ITPR1: variants seen among roughly 807,000 people sequenced by gnomAD.
ITPR1 encodes the protein inositol 1,4,5-trisphosphate receptor type 1, also known as inositol 1,4,5-trisphosphate-gated calcium channel ITPR1.
In ITPR1, 96 loss-of-function variants were observed where a neutral mutation model predicts 318.4. That is an observed-to-expected ratio of 0.30 (90% CI 0.26 to 0.36). ITPR1 has a LOEUF of 0.36. Among genes scored for constraint, ITPR1 ranks in the 10% least tolerant of loss-of-function variants. The pLI, the probability that ITPR1 is intolerant of heterozygous loss-of-function variation, is 1.00. For synonymous variants in ITPR1, 1,312 were observed against 1,289.9 expected (o/e 1.02, Z -0.37); for missense variants, 2,440 against 3,460.2 (o/e 0.71, Z 7.40).
In ITPR1 at chr3:4,675,257, C is replaced by A. The variant is rs1417618085; in HGVS notation, c.2779+9C>A. 2 of 1,600,504 alleles carry A rather than the reference C, an allele frequency of 1.2e-6. No homozygotes were observed. The highest frequency in any genetic ancestry group is 1.7e-6 in the Non-Finnish European group (2 of 1,173,590). Reference sequence around the variant, plus strand: ...TGTGGAGAAGCTGAAGAGTGAGTATCTGAGGGTGCCCATACATCTGAGAGA... The same window carrying A: ...TGTGGAGAAGCTGAAGAGTGAGTATATGAGGGTGCCCATACATCTGAGAGA... On this transcript the variant is annotated intron_variant, in intron 23 of 61. Transcript: ENST00000649015.
At chr3:4,520,460 T>C (rs996591421) in intron 3 of ITPR1, among the ~76,000 whole-genome samples, 3 of 152,204 alleles carry the variant, frequency 2.0e-5, no homozygotes, top group African/African-American at 7.2e-5. Flanking sequence ...CCCTCTAGCC[T>C]CCAACATCTA....
Position 4,670,900 on chromosome 3 carries a change from G to A in ITPR1, c.2178G>A (p.Glu726=). 6.3e-7 allele frequency: 1 copy of A among 1,596,272 alleles called. No individual in the cohort carries two copies. The highest frequency in any genetic ancestry group is 8.5e-7 in the Non-Finnish European group (1 of 1,169,654). Residue 726 remains glutamate, a synonymous_variant, in exon 20 of 62, where the codon GAG becomes GAA. Transcript: ENST00000649015. ...AGGATGCTAAAGAAGGGCAGAAGGA[G>A]GACCGAGACGTTCTCAGCTACTACA... The part of the protein sequence containing the change: ...LAQDAKEGQK[E]DRDVLSYYRY...
At chr3:4,843,750 T>TG (rs1366058741) in intron 61 of ITPR1, among the ~76,000 whole-genome samples, 1 of 152,012 alleles carries the variant, frequency 6.6e-6, no homozygotes, top group East Asian at 1.9e-4. Context: ...GGGTGGGCGA[T>TG]GGGATCACTT....
At chr3:4,592,701 T>C (rs2090487205) in intron 4 of ITPR1, among the ~76,000 whole-genome samples, 1 of 152,210 alleles carries the variant, frequency 6.6e-6, no homozygotes, top group African/African-American at 2.4e-5. Flanking sequence ...AACTCTGGAT[T>C]TGCAAGCTCT....
intron 4 of ITPR1, among the ~76,000 whole-genome samples, 177 bp downstream of exon 4, chr3:4,521,271 A>G (rs886434621): frequency 1.3e-5 from 2 of 152,200 alleles, no homozygotes; most frequent in Non-Finnish European, 2.9e-5. Flanking sequence ...TAAATTTAGT[A>G]TCAAGATTGG....
chr3:4,652,365 G>T, intron 11 of ITPR1, 147 bp downstream of exon 11: 1 of 657,878 alleles, frequency 1.5e-6, no homozygotes, highest in Non-Finnish European at 2.7e-6. Context: ...GTTTCCTTCT[G>T]ATTCATTTTC....
chr3:4,558,559 T>A (rs907239049), intron 4 of ITPR1, among the ~76,000 whole-genome samples: 3 of 152,286 alleles, frequency 2.0e-5, no homozygotes, highest in Non-Finnish European at 4.4e-5. Context: ...TAAGAGTTAT[T>A]GTAGGTGATG....
At position 4,669,682 on chromosome 3, in the gene ITPR1, G is replaced by A. The variant is rs376189314; in HGVS notation, c.1915G>A (p.Val639Ile). The change falls in exon 19 of 62, where the codon GTC becomes ATC. Residue 639 changes from valine (V) to isoleucine (I), a missense_variant. Val to Ile is a conservative substitution (Grantham distance 29). Around this residue, in one of 23 missense-constraint regions of ITPR1, gnomAD observed 478 missense variants for 696.3 expected, o/e 0.69. Coordinates refer to ENST00000649015, the MANE Select transcript of ITPR1 (RefSeq NM_001378452.1). Reference protein sequence around the residue: ...RFLDYLSDLCVSMNKSIPVTQ... With the variant: ...RFLDYLSDLCISMNKSIPVTQ... ...CTTAGATTACCTCTCCGACCTCTGTGTCTCCATGAACAAATCAATTCCAGT... is the reference window on the plus strand; with the variant it reads ...CTTAGATTACCTCTCCGACCTCTGTATCTCCATGAACAAATCAATTCCAGT... 6 of 1,612,942 alleles carry A rather than the reference G, an allele frequency of 3.7e-6. No individual in the cohort carries two copies. The African/African-American group carries it at 6.7e-5, about 18-fold the overall frequency.
Position 4,838,655 on chromosome 3 carries a change from G to A in ITPR1, c.8190+1720G>A, listed in dbSNP as rs574163237. Reference sequence around the variant, plus strand: ...AACAGAGGATCTTTGTTTCACACCCGTGGTACTGGAATTGCAACAGTGAGG... The same window carrying A: ...AACAGAGGATCTTTGTTTCACACCCATGGTACTGGAATTGCAACAGTGAGG... On this transcript the variant is annotated intron_variant, in intron 61 of 61. Coordinates refer to ENST00000649015, the MANE Select transcript of ITPR1 (RefSeq NM_001378452.1). 4.6e-5 allele frequency among the ~76,000 whole-genome samples: 7 copies of A among 152,276 alleles called. No homozygotes were observed. The East Asian group carries it at 5.8e-4, about 13-fold the overall frequency.
chr3:4,712,396 G>C (rs891267492), intron 39 of ITPR1, among the ~76,000 whole-genome samples: 20 of 152,210 alleles, frequency 1.3e-4, no homozygotes, highest in African/African-American at 4.3e-4. Flanking sequence ...TATATGCAGT[G>C]AACAAGGATA....
At chr3:4,529,214 G>C (rs917251781) in intron 4 of ITPR1, among the ~76,000 whole-genome samples, 6 of 152,130 alleles carry the variant, frequency 3.9e-5, no homozygotes, top group African/African-American at 1.4e-4. Flanking sequence ...CTCTTTTATA[G>C]TCATTTACCC....
intron 50 of ITPR1, 145 bp downstream of exon 50, chr3:4,782,886 C>G (rs962611354): frequency 6.9e-5 from 45 of 654,342 alleles, no homozygotes; most frequent in Non-Finnish European, 9.5e-5. Context: ...CACAGGTGCT[C>G]GTGGCAACCT....
chr3:4,693,609 C>G lies in ITPR1; in HGVS notation c.4149C>G (p.Tyr1383Ter). The stretch of plus-strand genomic sequence containing the variant: ...TGGATGAGAACAGCCCTCTCATGTA[C>G]CACATCCACTTGGTCGAGCTCCTGG... ...DRMDENSPLM[Y>*]HIHLVELLAV... The change falls in exon 33 of 62, where the codon TAC becomes TAG. Residue 1383 changes from tyrosine (Y) to a stop codon, truncating the protein, a stop_gained. Transcript: ENST00000649015. LOFTEE classifies it high-confidence loss of function. The G allele has an allele frequency of 6.2e-7, 1 of 1,614,056 alleles. No homozygotes were observed. Among genetic ancestry groups the G allele is most frequent in the Non-Finnish European group, 8.5e-7 (1 of 1,179,904 alleles).
intron 4 of ITPR1, among the ~76,000 whole-genome samples, chr3:4,600,199 G>C (rs148058136): frequency 9.3e-4 from 142 of 152,282 alleles, no homozygotes; most frequent in African/African-American, 3.3e-3. Context: ...CTGTGGCATT[G>C]TTTCATTGCA....
chr3:4,656,594 A>C (rs1182907303), intron 12 of ITPR1, among the ~76,000 whole-genome samples: 1 of 152,190 alleles, frequency 6.6e-6, no homozygotes, highest in Non-Finnish European at 1.5e-5. Flanking sequence ...AAAAAAACAC[A>C]CATAGAGGTT....
chr3:4,691,198 A>G lies in ITPR1; in HGVS notation c.3883A>G (p.Ser1295Gly). 6.2e-7 allele frequency: 1 copy of G among 1,613,336 alleles called. No homozygotes were observed. Among genetic ancestry groups the G allele is most frequent in the Non-Finnish European group, 8.5e-7 (1 of 1,179,510 alleles). Residue 1295 changes from serine to glycine, a missense_variant, in exon 32 of 62, where the codon AGT (serine) becomes GGT (glycine). Physicochemically the swap from Ser to Gly is moderately conservative, Grantham distance 56. This residue lies in a region of ITPR1 where 222 missense variants were observed against 318.8 expected (regional missense o/e 0.70). Transcript: ENST00000649015. Reference protein sequence around the residue: ...HIFMNNFQLCSEINERVVQHF... With the variant: ...HIFMNNFQLCGEINERVVQHF... ...CTTCATGAACAATTTCCAGCTTTGC[A>G]GTGAGATCAACGAGAGAGTTGTTCA...
chr3:4,611,827 T>G (rs1200947405), intron 4 of ITPR1, among the ~76,000 whole-genome samples: 1 of 152,122 alleles, frequency 6.6e-6, no homozygotes, highest in East Asian at 1.9e-4. Flanking sequence ...GAAAATAAAT[T>G]TCATAGATGA....
chr3:4,747,407 C>A (rs1431720193), intron 44 of ITPR1, among the ~76,000 whole-genome samples: 3 of 152,220 alleles, frequency 2.0e-5, no homozygotes, highest in Non-Finnish European at 2.9e-5. Flanking sequence ...TTTGTAACCT[C>A]TCTACCATGC....
chr3:4,675,472 G>T (rs1254276325), intron 23 of ITPR1, among the ~76,000 whole-genome samples: 1 of 152,132 alleles, frequency 6.6e-6, no homozygotes, highest in African/African-American at 2.4e-5. Flanking sequence ...ACGTTTTGCT[G>T]AATTTTATTT....
Sources: gnomAD v4.1 joint callset for allele counts (sites outside exome capture counted in the v4.1 genomes callset) on GRCh38, gnomAD v4.1.1 for gene constraint, gnomAD v4.1.1 regional missense constraint, MANE v1.5 for transcripts, NCBI Gene and HGNC (gene_info 2026-07-23, HGNC 2026-07-21) for gene names.